The following ACOT11 variants were observed in gnomAD, a reference collection of about 807,000 sequenced individuals.
ACOT11 encodes the protein acyl-coenzyme A thioesterase 11.
A neutral mutation model predicts 77.5 loss-of-function variants in ACOT11; 69 were observed. The observed-to-expected ratio is 0.89, with a 90% CI of 0.73 to 1.09. The LOEUF (loss-of-function observed/expected upper bound fraction) is 1.09. ACOT11 is among the 50% of genes least tolerant of loss of function. The probability of loss-of-function intolerance (pLI) is 0.00; values close to 1 mark genes in which losing one functional copy is unlikely to be tolerated. For synonymous variants in ACOT11, 279 were observed against 313.0 expected, an observed-to-expected ratio of 0.89 and a Z score of 1.15; for missense variants, 766 against 813.7, an observed-to-expected ratio of 0.94 and a Z score of 0.71.
At position 54,604,430 on chromosome 1, in the gene ACOT11, G is replaced by T. The variant is rs1644001314; in HGVS notation, c.1236+1G>T. The T allele has an allele frequency of 6.2e-7, 1 of 1,613,878 alleles. No homozygotes were observed. Among genetic ancestry groups the T allele is most frequent in the Non-Finnish European group, 8.5e-7 (1 of 1,179,908 alleles). ...GGTGCTGTCCTCGGAGATCAGTCAG[G>T]TAGCTGACCCCACCCACCCAATTTT... is the stretch of plus-strand genomic sequence containing the variant. On this transcript the variant is annotated splice_donor_variant, in intron 12 of 15. Coordinates refer to ENST00000343744, the MANE Select transcript of ACOT11 (RefSeq NM_147161.4). LOFTEE classifies it high-confidence loss of function.
chr1:54,606,000 G>T (rs554823580), intron 13 of ACOT11, among the ~76,000 whole-genome samples: 1 of 152,198 alleles, frequency 6.6e-6, no homozygotes, highest in Non-Finnish European at 1.5e-5. Flanking sequence ...AATTCAGTCC[G>T]CTGGTCACTT....
At chr1:54,614,844 A>C, downstream of ACOT11, 1 of 1,613,864 alleles carries the variant, frequency 6.2e-7, no homozygotes. Context: ...GATGTTCTTG[A>C]AGTCCAGTTT....
chr1:54,548,997 C>T (rs1417284044), intron 1 of ACOT11, among the ~76,000 whole-genome samples: 1 of 152,166 alleles, frequency 6.6e-6, no homozygotes, highest in East Asian at 1.9e-4. Flanking sequence ...TCAGGACAGA[C>T]TGGCAGAGGT....
At chr1:54,602,773 C>A in intron 10 of ACOT11, 49 bp downstream of exon 10, 1 of 1,474,184 alleles carries the variant, frequency 6.8e-7, no homozygotes, top group Middle Eastern at 1.8e-4. Context: ...GGGCTGTTCA[C>A]GCTCCGCTGA....
At chr1:54,621,011 A>T (rs973125323) in intron 15 of ACOT11, among the ~76,000 whole-genome samples, 4 of 151,038 alleles carry the variant, frequency 2.6e-5, no homozygotes, top group African/African-American at 9.7e-5. Flanking sequence ...AATACAAAAA[A>T]TTAGTTGGGT....
At chr1:54,626,331 C>T (rs1194586795) in intron 15 of ACOT11, among the ~76,000 whole-genome samples, 1 of 152,096 alleles carries the variant, frequency 6.6e-6, no homozygotes, top group Admixed American at 6.6e-5. Context: ...TCTAGAGGAA[C>T]AACAAACCAC....
At position 54,586,036 on chromosome 1, in the gene ACOT11, G is replaced by A. The variant is rs114316791; in HGVS notation, c.311+132G>A. 1,908 of 915,966 alleles carry A rather than the reference G, an allele frequency of 2.1e-3. 26 individuals carry two copies. The African/African-American group carries it at 0.029, about 14-fold the overall frequency. 56.7% of individuals were successfully genotyped at this position (915,966 alleles called of 1,614,324 possible). A position where few individuals can be genotyped will look rare whatever the true frequency, so the allele number is the denominator to read the frequency against. On this transcript the variant is annotated intron_variant, in intron 3 of 15. Coordinates refer to ENST00000343744, the MANE Select transcript of ACOT11 (RefSeq NM_147161.4). ...ACTCAACTGACTGAAAATGAGGTGG[G>A]GGCAGCCTCTGGGGAAGTGTGAACC...
chr1:54,601,540 G>C (rs952617410), intron 9 of ACOT11, 127 bp downstream of exon 9: 1 of 1,390,400 alleles, frequency 7.2e-7, no homozygotes, highest in African/African-American at 1.4e-5. Flanking sequence ...CCCCGTGCTG[G>C]GGCACAGCCA....
At chr1:54,578,569 A>G (rs1376443355) in intron 1 of ACOT11, among the ~76,000 whole-genome samples, 1 of 152,208 alleles carries the variant, frequency 6.6e-6, no homozygotes, top group Non-Finnish European at 1.5e-5. Flanking sequence ...CTCTTAGTGA[A>G]GATTTTCAGA....
intron 3 of ACOT11, 89 bp from the exon 4 acceptor site, chr1:54,592,457 C>T: frequency 7.8e-7 from 1 of 1,276,312 alleles, no homozygotes; most frequent in African/African-American, 1.5e-5. Flanking sequence ...CTGCCAGCTC[C>T]CCGCAAGAGA....
chr1:54,617,723 T>TTTTTTG (rs1644188160), intron 15 of ACOT11, among the ~76,000 whole-genome samples: 1 of 120,640 alleles, frequency 8.3e-6, no homozygotes, highest in Non-Finnish European at 1.7e-5. Context: ...TTTTTTTTTT[T>TTTTTTG]TTTTTTTTTT....
At chr1:54,616,033 G>A (rs2101020142) in intron 15 of ACOT11, 1 of 1,613,882 alleles carries the variant, frequency 6.2e-7, no homozygotes, top group East Asian at 2.2e-5. Context: ...TTTGGGAAGA[G>A]CCCAGCACAG....
intron 16 of ACOT11, among the ~76,000 whole-genome samples, chr1:54,632,137 A>T (rs1371152330): frequency 6.6e-6 from 1 of 152,234 alleles, no homozygotes; most frequent in Non-Finnish European, 1.5e-5. Flanking sequence ...TCCAAAATGT[A>T]AAAAAGGAAA....
downstream of ACOT11, chr1:54,612,372 C>A (rs2101015707): frequency 1.4e-6 from 1 of 714,892 alleles, no homozygotes. Context: ...GGCATGAGCA[C>A]TGGCAGGGGT....
chr1:54,576,764 C>T (rs920370811), intron 1 of ACOT11, among the ~76,000 whole-genome samples: 11 of 151,848 alleles, frequency 7.2e-5, no homozygotes, highest in African/African-American at 2.7e-4. Flanking sequence ...TCAGTGTGAG[C>T]GAGACTGGAG....
At chr1:54,616,271 T>C in intron 15 of ACOT11, 4 of 1,067,064 alleles carry the variant, frequency 3.7e-6, no homozygotes, top group Non-Finnish European at 5.4e-6. Flanking sequence ...ATTTGAGAAA[T>C]ACAGAAAAGT....
rs761200468 is a variant in ACOT11, at chr1:54,584,619, CCT to C, written c.34-31_34-30del. The C allele has an allele frequency of 3.1e-6, 5 of 1,594,082 alleles. No homozygotes were observed. The highest frequency in any genetic ancestry group is 4.5e-5 in the East Asian group (2 of 44,124). On this transcript the variant is annotated intron_variant, in intron 1 of 15. Coordinates refer to ENST00000343744, the MANE Select transcript of ACOT11 (RefSeq NM_147161.4). The surrounding 1 kb of genome is among the most constrained non-coding windows in gnomAD (Gnocchi z 6.3). Reference sequence around the variant, plus strand: ...CCTGGGAGACCCTGCAGCAAGCAGACCTCTCTGTCCCCACCTGTCCCCACCTG... The same window carrying C: ...CCTGGGAGACCCTGCAGCAAGCAGACCTCTGTCCCCACCTGTCCCCACCTG...
At chr1:54,614,215 G>T (rs556557428), downstream of ACOT11, among the ~76,000 whole-genome samples, 20 of 152,274 alleles carry the variant, frequency 1.3e-4, no homozygotes, top group Non-Finnish European at 2.1e-4. Flanking sequence ...GTATGTGAGG[G>T]CTGTGAGCAG....
At chr1:54,601,914 G>A (rs1251663447) in intron 9 of ACOT11, among the ~76,000 whole-genome samples, 1 of 152,250 alleles carries the variant, frequency 6.6e-6, no homozygotes, top group Non-Finnish European at 1.5e-5. Context: ...AGACAGTCAG[G>A]AGCCTGGTGC....
Sources: gnomAD v4.1 joint callset for allele counts (sites outside exome capture counted in the v4.1 genomes callset) on GRCh38, gnomAD v4.1.1 for gene constraint, Gnocchi (gnomAD v3.1) non-coding constraint, MANE v1.5 for transcripts, NCBI Gene and HGNC (gene_info 2026-07-23, HGNC 2026-07-21) for gene names.